TRPC5: variants seen among roughly 807,000 people sequenced by gnomAD.
The protein encoded by TRPC5 is short transient receptor potential channel 5.
A neutral mutation model predicts 56.5 loss-of-function variants in TRPC5; 9 were observed. That is an observed-to-expected ratio of 0.16 (90% CI 0.10 to 0.28). The LOEUF (loss-of-function observed/expected upper bound fraction) is 0.28, where lower values mean the gene tolerates loss of function less well. Among genes scored for constraint, TRPC5 ranks in the 10% least tolerant of loss-of-function variants. TRPC5 has a pLI of 1.00. For synonymous variants in TRPC5, 282 were observed against 278.5 expected, an observed-to-expected ratio of 1.01 and a Z score of -0.13; for missense variants, 469 against 748.9, an observed-to-expected ratio of 0.63 and a Z score of 4.36.
chrX:112,057,969 G>A (rs1387166824), intron 1 of TRPC5, among the ~76,000 whole-genome samples: 1 of 111,367 alleles, frequency 9.0e-6, no homozygotes, highest in Admixed American at 9.6e-5. Flanking sequence ...TTCAAAAGAT[G>A]GTAATGGAGA....
rs747183562 is a variant in TRPC5, at chrX:111,773,337, TTTA to T, written c.*2973_*2975del. On this transcript the variant is annotated 3_prime_UTR_variant, in exon 11 of 11. Coordinates refer to ENST00000262839, the MANE Select transcript of TRPC5 (RefSeq NM_012471.3). ...AAATATTTTCTTTGTAATTTTTACCTTTATTATTAGGGAGATTTTATGAGATCA... is the reference window on the plus strand; with the variant it reads ...AAATATTTTCTTTGTAATTTTTACCTTTATTAGGGAGATTTTATGAGATCA... 1.8e-4 allele frequency among the ~76,000 whole-genome samples: 20 copies of T among 112,310 alleles called. No individual in the cohort carries two copies. Among genetic ancestry groups the T allele is most frequent in the Admixed American group, 4.7e-4 (5 of 10,572 alleles).
At chrX:111,971,254 G>A (rs189558238) in intron 1 of TRPC5, among the ~76,000 whole-genome samples, 64 of 111,720 alleles carry the variant, frequency 5.7e-4, no homozygotes, top group African/African-American at 2.0e-3. Flanking sequence ...AGCACCAAAG[G>A]AGGGCACATT....
intron 3 of TRPC5, among the ~76,000 whole-genome samples, chrX:111,901,231 A>T (rs1925327215): frequency 9.0e-6 from 1 of 111,719 alleles, no homozygotes; most frequent in Non-Finnish European, 1.9e-5. Context: ...AATGAGGCAA[A>T]GGTGCTAATA....
At chrX:111,815,731 A>C (rs1358730830) in intron 7 of TRPC5, among the ~76,000 whole-genome samples, 7 of 109,906 alleles carry the variant, frequency 6.4e-5, no homozygotes, top group Non-Finnish European at 1.3e-4. Context: ...AATCACACAC[A>C]CATATATATA....
chrX:111,980,459 T>C (rs1202641821), intron 1 of TRPC5, among the ~76,000 whole-genome samples: 1 of 111,560 alleles, frequency 9.0e-6, no homozygotes, highest in African/African-American at 3.2e-5. Flanking sequence ...GTTTCTTATA[T>C]GTTCTATACC....
chrX:111,770,235 A>G lies in TRPC5; in HGVS notation c.*6078T>C, dbSNP rs1456647983. On this transcript the variant is annotated 3_prime_UTR_variant, in exon 11 of 11. Coordinates refer to ENST00000262839, the MANE Select transcript of TRPC5 (RefSeq NM_012471.3). The stretch of plus-strand genomic sequence containing the variant: ...TTGACAAACCCACTTTATTTCTTAG[A>G]TAAAATTTGAAGGAAGTGATCTTTC... 9.0e-6 allele frequency among the ~76,000 whole-genome samples: 1 copy of G among 111,493 alleles called. No homozygotes were observed. Among genetic ancestry groups the G allele is most frequent in the Non-Finnish European group, 1.9e-5 (1 of 53,041 alleles).
At chrX:111,811,574 C>G (rs1265951431) in intron 7 of TRPC5, among the ~76,000 whole-genome samples, 1 of 111,568 alleles carries the variant, frequency 9.0e-6, no homozygotes, top group African/African-American at 3.3e-5. Context: ...CAGCATGCCA[C>G]TGTCAAAAGG....
intron 3 of TRPC5, among the ~76,000 whole-genome samples, chrX:111,871,111 T>A (rs1256340707): frequency 1.8e-5 from 2 of 111,677 alleles, no homozygotes; most frequent in Admixed American, 9.5e-5. Flanking sequence ...AAATGTATAC[T>A]GTACATTGAA....
At chrX:111,841,541 G>C (rs997670256) in intron 6 of TRPC5, among the ~76,000 whole-genome samples, 1 of 112,025 alleles carries the variant, frequency 8.9e-6, no homozygotes, top group Non-Finnish European at 1.9e-5. Flanking sequence ...TTCACGAAAA[G>C]CTGATTTGTA....
At chrX:111,864,451 A>G (rs1923492410) in intron 3 of TRPC5, among the ~76,000 whole-genome samples, 1 of 112,469 alleles carries the variant, frequency 8.9e-6, no homozygotes, top group African/African-American at 3.2e-5. Flanking sequence ...ATTGGTACTG[A>G]GTCAGATCAC....
chrX:112,061,801 G>A (rs1349838534), intron 1 of TRPC5, among the ~76,000 whole-genome samples: 2 of 111,588 alleles, frequency 1.8e-5, no homozygotes, highest in Non-Finnish European at 3.8e-5. Context: ...AAGTCCAGAA[G>A]CAGGTTCTTC....
chrX:111,788,836 A>G (rs1055131430), intron 7 of TRPC5, among the ~76,000 whole-genome samples: 4 of 111,794 alleles, frequency 3.6e-5, no homozygotes, highest in Non-Finnish European at 7.5e-5. Context: ...AGAATAAAAT[A>G]CCTAGGAATT....
intron 7 of TRPC5, among the ~76,000 whole-genome samples, chrX:111,809,048 C>A (rs759764821): frequency 9.1e-6 from 1 of 109,604 alleles, no homozygotes; most frequent in Non-Finnish European, 1.9e-5. Flanking sequence ...CTTCTTGTTT[C>A]TTCCCTCTCT....
At chrX:111,978,439 T>G (rs1927986682) in intron 1 of TRPC5, among the ~76,000 whole-genome samples, 1 of 111,351 alleles carries the variant, frequency 9.0e-6, no homozygotes, top group Non-Finnish European at 1.9e-5. Flanking sequence ...TTGGGTAATG[T>G]TGGTCAAAGG....
At chrX:112,040,090 C>T (rs1463133939) in intron 1 of TRPC5, among the ~76,000 whole-genome samples, 1 of 112,119 alleles carries the variant, frequency 8.9e-6, no homozygotes, top group Non-Finnish European at 1.9e-5. Flanking sequence ...TCTTCTTGTA[C>T]TCTTACATCT....
At chrX:111,858,359 A>G (rs1923300036) in intron 3 of TRPC5, among the ~76,000 whole-genome samples, 1 of 111,513 alleles carries the variant, frequency 9.0e-6, no homozygotes, top group African/African-American at 3.3e-5. Context: ...GTAGGTTTTT[A>G]TTTTAATGAA....
chrX:111,981,269 CAA>C (rs201705956), intron 1 of TRPC5, among the ~76,000 whole-genome samples: 6 of 109,521 alleles, frequency 5.5e-5, no homozygotes, highest in Non-Finnish European at 1.1e-4. Context: ...AGTTCAAAGG[CAA>C]AAAAAAGACT....
At position 111,793,459 on chromosome X, in the gene TRPC5, C is replaced by T. The variant is rs185874460; in HGVS notation, c.1897-11321G>A. 2.2e-4 allele frequency among the ~76,000 whole-genome samples: 25 copies of T among 112,041 alleles called. No homozygotes were observed. In the East Asian group the frequency reaches 6.5e-3, roughly 29 times the overall value. On this transcript the variant is annotated intron_variant, in intron 7 of 10. Coordinates refer to ENST00000262839, the MANE Select transcript of TRPC5 (RefSeq NM_012471.3). ...AAGCTCCTGAAAATATTCTCAACATCATTAATCATTAGGAAAATTCAAATC... is the reference window on the plus strand; with the variant it reads ...AAGCTCCTGAAAATATTCTCAACATTATTAATCATTAGGAAAATTCAAATC...
intron 1 of TRPC5, among the ~76,000 whole-genome samples, chrX:112,035,259 T>C (rs970068777): frequency 2.7e-5 from 3 of 110,837 alleles, no homozygotes; most frequent in African/African-American, 9.8e-5. Flanking sequence ...ATAAGGTGGC[T>C]ACTCTGGATA....
Sources: gnomAD v4.1 joint callset for allele counts (sites outside exome capture counted in the v4.1 genomes callset) on GRCh38, gnomAD v4.1.1 for gene constraint, MANE v1.5 for transcripts, NCBI Gene and HGNC (gene_info 2026-07-23, HGNC 2026-07-21) for gene names.